NUDT7: variants seen among roughly 807,000 people sequenced by gnomAD.
NUDT7 encodes peroxisomal coenzyme A diphosphatase NUDT7.
In NUDT7, 19 loss-of-function variants were observed where a neutral mutation model predicts 13.1. That is an observed-to-expected ratio of 1.45 (90% CI 1.01 to 2.13). The LOEUF (loss-of-function observed/expected upper bound fraction) is 2.13, where lower values mean the gene tolerates loss of function less well. Ranked by LOEUF, NUDT7 falls within the 30% of genes most tolerant of loss-of-function variation. The pLI is 0.00. For missense variants in NUDT7, 360 were observed against 291.7 expected (o/e 1.23, Z -1.71); for synonymous variants, 132 against 109.7 (o/e 1.20, Z -1.27).
chr16:77,736,707 C>G (rs1418621521), intron 3 of NUDT7: 1 of 277,080 alleles, frequency 3.6e-6, no homozygotes, highest in Non-Finnish European at 7.9e-6. Context: ...CTCAAGTGAT[C>G]CTCCCACCTC....
At chr16:77,731,762 C>T (rs1240439210) in intron 2 of NUDT7, among the ~76,000 whole-genome samples, 3 of 151,926 alleles carry the variant, frequency 2.0e-5, no homozygotes, top group African/African-American at 7.3e-5. Context: ...TGAAGACCTT[C>T]CAGTGGGACA....
intron 3 of NUDT7, among the ~76,000 whole-genome samples, chr16:77,738,510 T>G (rs943844319): frequency 6.6e-6 from 1 of 152,210 alleles, no homozygotes; most frequent in African/African-American, 2.4e-5. Flanking sequence ...ATTATAAGCA[T>G]AATCTAATCT....
At chr16:77,730,600 G>T (rs745933838) in intron 2 of NUDT7, among the ~76,000 whole-genome samples, 1 of 152,098 alleles carries the variant, frequency 6.6e-6, no homozygotes, top group Non-Finnish European at 1.5e-5. Context: ...TCGATATACT[G>T]ATTTCATTTC....
At chr16:77,739,389 C>T (rs1431744750) in intron 3 of NUDT7, among the ~76,000 whole-genome samples, 1 of 152,168 alleles carries the variant, frequency 6.6e-6, no homozygotes, top group Non-Finnish European at 1.5e-5. Context: ...GAGTTCCTCC[C>T]ATTTTTAGAC....
At chr16:77,727,552 T>A (rs867798359) in intron 2 of NUDT7, among the ~76,000 whole-genome samples, 2 of 152,202 alleles carry the variant, frequency 1.3e-5, no homozygotes, top group East Asian at 1.9e-4. Context: ...CTTACATATA[T>A]TTTTTAAAAT....
At position 77,741,660 on chromosome 16, in the gene NUDT7, G is replaced by T; in HGVS notation, c.427G>T (p.Asp143Tyr). The change falls in exon 4 of 4, where the codon GAT (aspartate) becomes TAT (tyrosine). Residue 143 changes from aspartate to tyrosine, a missense_variant. Transcript: ENST00000268533. Reference sequence around the variant, plus strand: ...CCAGCCGAATCCTGCTGAAGTTAAGGATGTATTCCTGGTGCCTCTGGCCTA... The same window carrying T: ...CCAGCCGAATCCTGCTGAAGTTAAGTATGTATTCCTGGTGCCTCTGGCCTA... Reference protein sequence around the residue: ...QAQPNPAEVKDVFLVPLAYFL... With the variant: ...QAQPNPAEVKYVFLVPLAYFL... 6.2e-7 allele frequency: 1 copy of T among 1,614,122 alleles called. No individual in the cohort carries two copies. Among genetic ancestry groups the T allele is most frequent in the South Asian group, 1.1e-5 (1 of 91,074 alleles).
chr16:77,727,606 G>C (rs1385258120), intron 2 of NUDT7, among the ~76,000 whole-genome samples: 1 of 152,236 alleles, frequency 6.6e-6, no homozygotes, highest in East Asian at 1.9e-4. Flanking sequence ...TGTAATCCCA[G>C]CACTTTGGGA....
At chr16:77,730,984 C>A (rs1483044476) in intron 2 of NUDT7, among the ~76,000 whole-genome samples, 1 of 151,912 alleles carries the variant, frequency 6.6e-6, no homozygotes, top group Non-Finnish European at 1.5e-5. Flanking sequence ...ATACTAGCCC[C>A]TTTTCAGATG....
At chr16:77,732,004 A>T (rs2014332843) in intron 2 of NUDT7, among the ~76,000 whole-genome samples, 1 of 152,202 alleles carries the variant, frequency 6.6e-6, no homozygotes, top group Non-Finnish European at 1.5e-5. Context: ...GTAAGAAGTA[A>T]TAGTAAGCTA....
At chr16:77,729,214 G>A (rs560018244) in intron 2 of NUDT7, among the ~76,000 whole-genome samples, 8 of 152,228 alleles carry the variant, frequency 5.3e-5, no homozygotes, top group South Asian at 2.1e-4. Flanking sequence ...TCAAAACAGC[G>A]TAATATTTTC....
In NUDT7 at chr16:77,735,315, TAGTG is replaced by T. The variant is rs1416025825; in HGVS notation, c.190-505_190-502del. 9 of 439,040 alleles carry T rather than the reference TAGTG, an allele frequency of 2.0e-5. No homozygotes were observed. The South Asian group carries it at 4.7e-4, about 23-fold the overall frequency. 27.2% of individuals were successfully genotyped at this position (439,040 alleles called of 1,614,324 possible). On this transcript the variant is annotated intron_variant, in intron 2 of 3. Coordinates refer to ENST00000268533, the MANE Select transcript of NUDT7 (RefSeq NM_001105663.3). ...TTCCCCCTTGGTACTGTCATCACAA[TAGTG>T]AGTGAGTTCTCACGAGATAAGGTTG...
chr16:77,733,681 G>A (rs146741951), intron 2 of NUDT7, among the ~76,000 whole-genome samples: 187 of 152,260 alleles, frequency 1.2e-3, no homozygotes, highest in Admixed American at 3.2e-3. Flanking sequence ...ATGTGGCCAC[G>A]CACCATTCCC....
intron 1 of NUDT7, among the ~76,000 whole-genome samples, chr16:77,724,695 T>C (rs2014073269): frequency 6.6e-6 from 1 of 152,146 alleles, no homozygotes. Context: ...ATTTCAGGGG[T>C]GAGGGGATAC....
Position 77,725,450 on chromosome 16 carries a change from G to A in NUDT7, c.55G>A (p.Ala19Thr). 1.2e-6 allele frequency: 2 copies of A among 1,612,896 alleles called. No homozygotes were observed. Among genetic ancestry groups the A allele is most frequent in the African/African-American group, 1.3e-5 (1 of 75,024 alleles). The change falls in exon 2 of 4, where the codon GCT becomes ACT. Residue 19 changes from alanine to threonine, a missense_variant. Physicochemically the swap from Ala to Thr is moderately conservative, Grantham distance 58. Coordinates refer to ENST00000268533, the MANE Select transcript of NUDT7 (RefSeq NM_001105663.3). The part of the protein sequence containing the change: ...EPVRNSLLDD[A>T]KARLRKYDIG... ...TTTTAGAAACAGTTTGCTAGATGAT[G>A]CTAAGGCCCGCTTAAGAAAGTATGA...
chr16:77,722,541 A>C lies in NUDT7; in HGVS notation c.-42A>C, dbSNP rs772627886. The C allele has an allele frequency of 4.6e-5, 71 of 1,554,708 alleles. No homozygotes were observed. The East Asian group carries it at 1.6e-3, about 34-fold the overall frequency. On this transcript the variant is annotated 5_prime_UTR_variant, in exon 1 of 4. Transcript: ENST00000268533. Reference sequence around the variant, plus strand: ...TCTGCGCAAGCGCGACCGACCGAGCAGCTCCGAGGAGTCCGCCCGGAAACA... The same window carrying C: ...TCTGCGCAAGCGCGACCGACCGAGCCGCTCCGAGGAGTCCGCCCGGAAACA...
At chr16:77,731,557 T>G (rs569561950) in intron 2 of NUDT7, among the ~76,000 whole-genome samples, 3 of 152,332 alleles carry the variant, frequency 2.0e-5, no homozygotes, top group East Asian at 3.9e-4. Context: ...TTGATAATGA[T>G]AAAAAATGAC....
At chr16:77,729,439 C>G (rs1213486921) in intron 2 of NUDT7, among the ~76,000 whole-genome samples, 1 of 151,776 alleles carries the variant, frequency 6.6e-6, no homozygotes, top group Non-Finnish European at 1.5e-5. Context: ...TAACATATTA[C>G]TATACATATT....
rs1159352340 is a variant in NUDT7, at chr16:77,741,896, A to G, written c.663A>G (p.Ala221=). Residue 221 remains alanine (A), a synonymous_variant, in exon 4 of 4, where the codon GCA becomes GCG. Coordinates refer to ENST00000268533, the MANE Select transcript of NUDT7 (RefSeq NM_001105663.3). ...EVQFNLNDVL[A]SSEELFLKVH... is the part of the protein sequence containing the mutation. The stretch of plus-strand genomic sequence containing the variant: ...AATTTAATCTTAATGATGTATTAGC[A>G]TCCTCTGAAGAGTTATTCCTGAAGG... 2.5e-6 allele frequency: 4 copies of G among 1,613,860 alleles called. No homozygotes were observed. Among genetic ancestry groups the G allele is most frequent in the South Asian group, 2.2e-5 (2 of 91,036 alleles).
At chr16:77,734,363 C>T (rs2014411017) in intron 2 of NUDT7, among the ~76,000 whole-genome samples, 1 of 152,128 alleles carries the variant, frequency 6.6e-6, no homozygotes. Flanking sequence ...GTGGCTCACG[C>T]CTGTAATGCC....
Sources: gnomAD v4.1 joint callset for allele counts (sites outside exome capture counted in the v4.1 genomes callset) on GRCh38, gnomAD v4.1.1 for gene constraint, MANE v1.5 for transcripts, NCBI Gene and HGNC (gene_info 2026-07-23, HGNC 2026-07-21) for gene names.